DOK4: variants seen among roughly 807,000 people sequenced by gnomAD.
DOK4 encodes downstream of tyrosine kinase 4.
A neutral mutation model predicts 40.1 loss-of-function variants in DOK4; 26 were observed. The observed-to-expected ratio is 0.65, with a 90% CI of 0.48 to 0.90. DOK4 has a LOEUF of 0.90. Among genes scored for constraint, DOK4 ranks in the 40% least tolerant of loss-of-function variants. DOK4 has a pLI of 0.00. For synonymous variants in DOK4, 179 were observed against 177.0 expected, an observed-to-expected ratio of 1.01 and a Z score of -0.09; for missense variants, 392 against 437.2, an observed-to-expected ratio of 0.90 and a Z score of 0.92.
exon 9 of DOK4, chr16:57,473,464 C>A: frequency 6.2e-7 from 1 of 1,614,182 alleles, no homozygotes; most frequent in Non-Finnish European, 8.5e-7. Context: ...GGTCTGTTTC[C>A]GAGCTGGCCT....
rs536539233 is a variant in DOK4, at chr16:57,486,492, C to T, written c.-369G>A. ...TCCGGCTGGGGCTCCGGCTGGGACT[C>T]CGCTCCGCTCCCCCCTCCGCCAGGT... On this transcript the variant is annotated 5_prime_UTR_variant, in exon 1 of 9. Transcript: ENST00000340099. The T allele has an allele frequency of 3.3e-5, 5 of 152,032 alleles. 1 individual carries two copies. In the South Asian group the frequency reaches 9.4e-4, roughly 29 times the overall value. 9.4% of individuals were successfully genotyped at this position (152,032 alleles called of 1,614,324 possible). A position where few individuals can be genotyped will look rare whatever the true frequency, so the allele number is the denominator to read the frequency against.
intron 2 of DOK4, among the ~76,000 whole-genome samples, chr16:57,477,703 C>A (rs557593324): frequency 6.6e-6 from 1 of 152,336 alleles, no homozygotes; most frequent in East Asian, 1.9e-4. Context: ...CACTCTGCCA[C>A]AGCTCTGCCG....
exon 4 of DOK4, chr16:57,475,559 G>A (rs940112984): frequency 6.2e-7 from 1 of 1,609,954 alleles, no homozygotes; most frequent in South Asian, 1.1e-5. Context: ...GATGGCCACC[G>A]CCTGCCGCTT....
At chr16:57,475,681 TCTCTCTCTCTCTCTCC>T in intron 3 of DOK4, 61 bp from the exon 4 acceptor site, 24 of 878,894 alleles carry the variant, frequency 2.7e-5, no homozygotes, top group South Asian at 4.5e-5. Flanking sequence ...TCTCTCTCTC[TCTCTCTCTCTCTCTCC>T]CTCCCTCCCT....
chr16:57,473,588 G>A, intron 8 of DOK4, 25 bp downstream of exon 8: 1 of 1,614,268 alleles, frequency 6.2e-7, no homozygotes, highest in Non-Finnish European at 8.5e-7. Flanking sequence ...CTGGCAGGTG[G>A]GTGTGGGGCA....
chr16:57,487,196 G>A (rs1420964976), upstream of DOK4: 1 of 152,246 alleles, frequency 6.6e-6, no homozygotes, highest in African/African-American at 2.4e-5. Context: ...AAGTTGCCCA[G>A]TGCCTCCTCT....
chr16:57,474,004 T>C, exon 7 of DOK4: 1 of 1,614,140 alleles, frequency 6.2e-7, no homozygotes, highest in African/African-American at 1.3e-5. Flanking sequence ...CTCTTGTGTC[T>C]GGAAGGTATA....
rs1202451908 is a variant in DOK4, at chr16:57,479,133, G to A, written c.66+309C>T. The stretch of plus-strand genomic sequence containing the variant: ...TGCCAGCCGCCCCTGCTGCTGCTGT[G>A]GTGACAACTTCAACAATAGCAGGGG... On this transcript the variant is annotated intron_variant, in intron 2 of 8. Coordinates refer to ENST00000340099, the Ensembl canonical transcript of DOK4. This position sits in a 1 kb window ranked among gnomAD's most constrained non-coding sequence, Gnocchi z 5.8. 2.6e-5 allele frequency among the ~76,000 whole-genome samples: 4 copies of A among 152,206 alleles called. No homozygotes were observed. The highest frequency in any genetic ancestry group is 5.9e-5 in the Non-Finnish European group (4 of 68,032).
In DOK4 at chr16:57,479,753, C is replaced by T. The variant is rs1012746882; in HGVS notation, c.-181-65G>A. The T allele has an allele frequency of 4.6e-6, 2 of 438,402 alleles. No individual in the cohort carries two copies. Among genetic ancestry groups the T allele is most frequent in the Admixed American group, 7.9e-5 (2 of 25,200 alleles). The allele number at this position is 438,402 out of a possible 1,614,324, so 27.2% of individuals were successfully genotyped here. A position where few individuals can be genotyped will look rare whatever the true frequency, so the allele number is the denominator to read the frequency against. ...TCTTTCTCTTCCTCTCGCTGTCTCG[C>T]TCTCTTTTTTCCTTCCTCTTCCCAC... On this transcript the variant is annotated intron_variant, in intron 1 of 8. Coordinates refer to ENST00000340099, the Ensembl canonical transcript of DOK4. This position sits in a 1 kb window ranked among gnomAD's most constrained non-coding sequence, Gnocchi z 5.8.
chr16:57,475,769 C>T, intron 3 of DOK4, 81 bp downstream of exon 3: 2 of 1,219,658 alleles, frequency 1.6e-6, no homozygotes, highest in Non-Finnish European at 2.3e-6. Flanking sequence ...CCCTCTCTCC[C>T]TCTCTCCCCT....
At chr16:57,476,290 T>G (rs1365713836) in intron 2 of DOK4, 3 of 326,072 alleles carry the variant, frequency 9.2e-6, no homozygotes, top group African/African-American at 6.4e-5. Flanking sequence ...CACCTGTTAT[T>G]AGCACTGTGC....
At chr16:57,487,296 C>T (rs2031566138), upstream of DOK4, 1 of 152,260 alleles carries the variant, frequency 6.6e-6, no homozygotes, top group African/African-American at 2.4e-5. Context: ...AGAAGCTTCC[C>T]ATCACCTTGA....
At chr16:57,480,990 C>A (rs2031391591) in intron 1 of DOK4, among the ~76,000 whole-genome samples, 1 of 152,180 alleles carries the variant, frequency 6.6e-6, no homozygotes, top group South Asian at 2.1e-4. Context: ...CCTTCCCTGC[C>A]ATCCATCCTC....
At chr16:57,475,055 TTCC>T in intron 5 of DOK4, 42 bp downstream of exon 5, 1 of 1,587,562 alleles carries the variant, frequency 6.3e-7, no homozygotes, top group South Asian at 1.1e-5. Flanking sequence ...CCTTCCTCTC[TTCC>T]TCCTCCCCCT....
intron 2 of DOK4, among the ~76,000 whole-genome samples, chr16:57,476,647 C>G (rs1386377489): frequency 1.3e-5 from 2 of 152,228 alleles, no homozygotes; most frequent in Non-Finnish European, 2.9e-5. Context: ...TCTTACCAAC[C>G]CTGAAATGTA....
chr16:57,474,492 C>G (rs533407198), intron 6 of DOK4, among the ~76,000 whole-genome samples: 1 of 152,094 alleles, frequency 6.6e-6, no homozygotes, highest in Non-Finnish European at 1.5e-5. Context: ...TTATTATCCC[C>G]GAAACCCAGA....
At chr16:57,475,683 TCTCTCTCTCTCTCC>T in intron 3 of DOK4, 63 bp from the exon 4 acceptor site, 11 of 886,160 alleles carry the variant, frequency 1.2e-5, no homozygotes, top group Admixed American at 2.2e-5. Context: ...TCTCTCTCTC[TCTCTCTCTCTCTCC>T]CTCCCTCCCT....
At chr16:57,476,022 G>C in intron 2 of DOK4, 65 bp from the exon 3 acceptor site, 1 of 1,375,536 alleles carries the variant, frequency 7.3e-7, no homozygotes, top group Non-Finnish European at 1.0e-6. Flanking sequence ...GCATGGCCCT[G>C]CAGCCACCCC....
exon 9 of DOK4, chr16:57,473,128 A>G: frequency 3.7e-6 from 2 of 541,434 alleles, no homozygotes; most frequent in East Asian, 6.0e-5. Context: ...AGAGTATGTC[A>G]TAAGCCATAT....
Sources: gnomAD v4.1 joint callset for allele counts (sites outside exome capture counted in the v4.1 genomes callset) on GRCh38, gnomAD v4.1.1 for gene constraint, Gnocchi (gnomAD v3.1) non-coding constraint, MANE v1.5 for transcripts, NCBI Gene and HGNC (gene_info 2026-07-23, HGNC 2026-07-21) for gene names.